SLC41A2: variants seen among roughly 807,000 people sequenced by gnomAD.
The protein encoded by SLC41A2 is SLC41A1-like 1.
A neutral mutation model predicts 58.3 loss-of-function variants in SLC41A2; 32 were observed. The observed-to-expected ratio is 0.55, with a 90% confidence interval of 0.41 to 0.74. The LOEUF (loss-of-function observed/expected upper bound fraction) is 0.74, where lower values mean the gene tolerates loss of function less well. SLC41A2 is among the 30% of genes least tolerant of loss of function. The pLI, the probability that SLC41A2 is intolerant of heterozygous loss-of-function variation, is 0.00. For synonymous variants in SLC41A2, 190 were observed against 235.0 expected, an observed-to-expected ratio of 0.81 and a Z score of 1.75; for missense variants, 514 against 680.6, an observed-to-expected ratio of 0.76 and a Z score of 2.72.
chr12:104,845,258 T>C (rs2042562303), intron 9 of SLC41A2, among the ~76,000 whole-genome samples: 1 of 152,074 alleles, frequency 6.6e-6, no homozygotes, highest in Non-Finnish European at 1.5e-5. Flanking sequence ...ACCACTATTC[T>C]CCAGCCTGTG....
At chr12:104,902,426 G>A (rs1333250969) in intron 3 of SLC41A2, among the ~76,000 whole-genome samples, 1 of 152,120 alleles carries the variant, frequency 6.6e-6, no homozygotes, top group Non-Finnish European at 1.5e-5. Flanking sequence ...AGAAAAAAGA[G>A]TATAGCTGGA....
chr12:104,839,694 G>T (rs1428516481), intron 10 of SLC41A2, among the ~76,000 whole-genome samples: 1 of 151,804 alleles, frequency 6.6e-6, no homozygotes, highest in African/African-American at 2.4e-5. Flanking sequence ...TAGTAGAGAT[G>T]GTGTTTCACC....
Position 104,957,871 on chromosome 12 carries a change from G to C in SLC41A2, c.-168+217C>G, listed in dbSNP as rs1313913517. Among the ~76,000 whole-genome samples the C allele has an allele frequency of 2.0e-5, 3 of 152,052 alleles. No homozygotes were observed. In the East Asian group the frequency reaches 5.8e-4, roughly 29 times the overall value. On this transcript the variant is annotated intron_variant, in intron 1 of 10. Transcript: ENST00000258538. Reference sequence around the variant, plus strand: ...GCGGAACAGCTTCCCTCAGCCCGAGGTGGGGCAGGCGCGGGGGCCTGGGCT... The same window carrying C: ...GCGGAACAGCTTCCCTCAGCCCGAGCTGGGGCAGGCGCGGGGGCCTGGGCT...
chr12:104,894,046 T>C (rs762921351), intron 4 of SLC41A2, among the ~76,000 whole-genome samples: 5 of 152,180 alleles, frequency 3.3e-5, no homozygotes, highest in African/African-American at 1.2e-4. Context: ...GGGGGATGGA[T>C]ATACCATTTT....
chr12:104,866,381 TACACACACACACAC>T lies in SLC41A2; in HGVS notation c.1175+37_1175+50del, dbSNP rs57548373. On this transcript the variant is annotated intron_variant, in intron 7 of 10. Coordinates refer to ENST00000258538, the MANE Select transcript of SLC41A2 (RefSeq NM_001352171.3). ...GAAGACACACAAAGACAGACAGACG[TACACACACACACAC>T]ACACACACACACACACACACATATT... 117 of 1,427,320 alleles carry T rather than the reference TACACACACACACAC, an allele frequency of 8.2e-5. No individual in the cohort carries two copies. The Admixed American group carries it at 1.1e-3, about 14-fold the overall frequency. The allele number at this position is 1,427,320 out of a possible 1,614,324, so 88.4% of individuals were successfully genotyped here.
In SLC41A2 at chr12:104,909,779, A is replaced by T. The variant is rs756998679; in HGVS notation, c.556-17T>A. The stretch of plus-strand genomic sequence containing the variant: ...CTCCCAGTGCTGTAAGAAAAAAAAT[A>T]AAATAAAATTTTCTGGCACTCTTTA... On this transcript the variant is annotated splice_polypyrimidine_tract_variant and intron_variant, in intron 2 of 10. Transcript: ENST00000258538. The T allele has an allele frequency of 2.6e-6, 4 of 1,523,772 alleles. No homozygotes were observed. The South Asian group carries it at 4.9e-5, about 19-fold the overall frequency. The allele number at this position is 1,523,772 out of a possible 1,614,324, so 94.4% of individuals were successfully genotyped here.
At chr12:104,934,459 C>T (rs2047185170) in intron 1 of SLC41A2, among the ~76,000 whole-genome samples, 1 of 151,926 alleles carries the variant, frequency 6.6e-6, no homozygotes, top group African/African-American at 2.4e-5. Flanking sequence ...AGATCCACTA[C>T]TTAATTCCTT....
intron 6 of SLC41A2, among the ~76,000 whole-genome samples, chr12:104,885,995 T>A (rs2044639172): frequency 1.3e-5 from 2 of 152,160 alleles, no homozygotes; most frequent in Admixed American, 6.5e-5. Flanking sequence ...TGTGTTCAAC[T>A]TTTTTACTAG....
chr12:104,832,402 T>C (rs935892580), intron 10 of SLC41A2, among the ~76,000 whole-genome samples: 2 of 152,190 alleles, frequency 1.3e-5, no homozygotes, highest in African/African-American at 4.8e-5. Context: ...GGATGGATTA[T>C]GTCTCATTAG....
chr12:104,817,667 C>T (rs1001715249), intron 10 of SLC41A2, among the ~76,000 whole-genome samples: 2 of 150,984 alleles, frequency 1.3e-5, no homozygotes, highest in African/African-American at 4.9e-5. Flanking sequence ...AAACCAGTAA[C>T]AGTTGTTTAC....
At chr12:104,951,925 A>G (rs1263855080) in intron 1 of SLC41A2, among the ~76,000 whole-genome samples, 1 of 151,998 alleles carries the variant, frequency 6.6e-6, no homozygotes, top group Non-Finnish European at 1.5e-5. Flanking sequence ...CAAACAAAAC[A>G]GAAATGATTT....
intron 6 of SLC41A2, among the ~76,000 whole-genome samples, chr12:104,874,770 C>A (rs2043967951): frequency 6.6e-6 from 1 of 152,206 alleles, no homozygotes; most frequent in Admixed American, 6.5e-5. Context: ...AATTTGAAAT[C>A]AGGAAGTGTG....
intron 8 of SLC41A2, among the ~76,000 whole-genome samples, chr12:104,855,486 A>T (rs1158597717): frequency 1.3e-5 from 2 of 152,178 alleles, no homozygotes; most frequent in Non-Finnish European, 2.9e-5. Flanking sequence ...GTACCCTTGA[A>T]CGTTATATAA....
intron 8 of SLC41A2, among the ~76,000 whole-genome samples, chr12:104,852,765 C>T (rs2042849261): frequency 6.6e-6 from 1 of 152,012 alleles, no homozygotes; most frequent in South Asian, 2.1e-4. Context: ...AAGTTTTAAC[C>T]TCTCATGGTT....
rs1565842755 is a variant in SLC41A2 at position 104,853,926 on chromosome 12, T to TTTTTTTTTTTA, written c.1255+7364_1255+7365insTAAAAAAAAAA. 7.9e-3 allele frequency among the ~76,000 whole-genome samples: 941 copies of TTTTTTTTTTTA among 118,888 alleles called. 41 individuals carry two copies. Among genetic ancestry groups the TTTTTTTTTTTA allele is most frequent in the African/African-American group, 0.028 (906 of 32,538 alleles). 78.0% of individuals were successfully genotyped at this position (118,888 alleles called of 152,430 possible). A position where few individuals can be genotyped will look rare whatever the true frequency, so the allele number is the denominator to read the frequency against. On this transcript the variant is annotated intron_variant, in intron 8 of 10. Transcript: ENST00000258538. ...TGCCTGGCTGATTTTTTTTTTTTTTTTTTTTTTTTTTTTAGTAGAACTGAG... is the reference window on the plus strand; with the variant it reads ...TGCCTGGCTGATTTTTTTTTTTTTTTTTTTTTTTTTATTTTTTTTTTTTTAGTAGAACTGAG...
At chr12:104,864,253 C>T (rs1383586913) in intron 7 of SLC41A2, among the ~76,000 whole-genome samples, 2 of 152,136 alleles carry the variant, frequency 1.3e-5, no homozygotes, top group South Asian at 2.1e-4. Flanking sequence ...TTTTGATAGA[C>T]CACACCTCCT....
intron 1 of SLC41A2, among the ~76,000 whole-genome samples, chr12:104,947,176 T>C (rs1055411534): frequency 5.3e-5 from 8 of 151,522 alleles, no homozygotes; most frequent in African/African-American, 1.9e-4. Context: ...GTACTGAATT[T>C]CTGGCTTTTA....
rs1315478450 is a variant in SLC41A2, at chr12:104,802,196, A to G, written c.*2956T>C. On this transcript the variant is annotated 3_prime_UTR_variant, in exon 11 of 11. Coordinates refer to ENST00000258538, the MANE Select transcript of SLC41A2 (RefSeq NM_001352171.3). ...TATTTTTGAAAGAAAAAAATGGACA[A>G]GAAAGAAAAATGTTTCTAAAAGTGT... 1.3e-5 allele frequency among the ~76,000 whole-genome samples: 2 copies of G among 152,208 alleles called. No individual in the cohort carries two copies. The highest frequency in any genetic ancestry group is 2.9e-5 in the Non-Finnish European group (2 of 68,026).
intron 1 of SLC41A2, among the ~76,000 whole-genome samples, chr12:104,955,089 T>A (rs1185919541): frequency 6.8e-6 from 1 of 146,222 alleles, no homozygotes; most frequent in East Asian, 2.2e-4. Context: ...CTCGGTTCAC[T>A]GCAACTTCCA....
Sources: allele counts gnomAD v4.1 joint callset (sites outside exome capture counted in the v4.1 genomes callset), GRCh38; gene constraint gnomAD v4.1.1; transcripts MANE v1.5; gene names NCBI Gene and HGNC (gene_info 2026-07-23, HGNC 2026-07-21).